The following H2BC12 variants were observed in gnomAD, a reference collection of about 807,000 sequenced individuals.
H2BC12 encodes the protein H2B clustered histone 12.
Under a neutral mutation model 6.3 loss-of-function variants are expected in H2BC12, and 6 were observed. That is an observed-to-expected ratio of 0.95 (90% CI 0.52 to 1.87). The LOEUF (loss-of-function observed/expected upper bound fraction) is 1.87. Ranked by LOEUF, H2BC12 falls within the 40% of genes most tolerant of loss-of-function variation. The pLI is 0.01. For missense variants in H2BC12, 119 were observed against 178.4 expected, an observed-to-expected ratio of 0.67 and a Z score of 1.90; for synonymous variants, 132 against 78.5, an observed-to-expected ratio of 1.68 and a Z score of -3.60.
At chr6:27,139,145 G>A in the H2BC12 span, 57 of 662,078 alleles carry the variant, frequency 8.6e-5, 1 homozygote, top group Non-Finnish European at 1.3e-4. Flanking sequence ...GAGAACAAGA[G>A]GGAGTAGAGC....
downstream of H2BC12, among the ~76,000 whole-genome samples, chr6:27,143,770 G>C (rs879864058): frequency 2.0e-5 from 3 of 150,410 alleles, no homozygotes; most frequent in South Asian, 2.1e-4. Flanking sequence ...TCTTCAGCAG[G>C]CTGTAACAAT....
At chr6:27,141,554 TCA>T (rs1365375269), downstream of H2BC12, among the ~76,000 whole-genome samples, 1 of 152,136 alleles carries the variant, frequency 6.6e-6, no homozygotes, top group Non-Finnish European at 1.5e-5. Context: ...AGATAAGCCA[TCA>T]CAGAGAGTAG....
chr6:27,146,812 T>C lies in H2BC12; in HGVS notation c.-14A>G. On this transcript the variant is annotated 5_prime_UTR_variant, in exon 1 of 1. Transcript: ENST00000356950. Reference sequence around the variant, plus strand: ...TGGTTCCGGCATGTTGAAGGCGAACTACGAGCCTGAGACGAGCAGCAGATC... The same window carrying C: ...TGGTTCCGGCATGTTGAAGGCGAACCACGAGCCTGAGACGAGCAGCAGATC... 2 of 1,613,050 alleles carry C rather than the reference T, an allele frequency of 1.2e-6. No individual in the cohort carries two copies. Among genetic ancestry groups the C allele is most frequent in the East Asian group, 2.2e-5 (1 of 44,876 alleles).
chr6:27,138,376 G>A, the H2BC12 span, among the ~76,000 whole-genome samples: 1 of 152,166 alleles, frequency 6.6e-6, no homozygotes, highest in Non-Finnish European at 1.5e-5. Context: ...GGGTACAGAA[G>A]CTTATATACT....
the H2BC12 span, chr6:27,139,425 T>TCGC: frequency 6.2e-7 from 1 of 1,614,190 alleles, no homozygotes; most frequent in Non-Finnish European, 8.5e-7. Context: ...GGCGCCTTGC[T>TCGC]CGCCGCGGCG....
At chr6:27,139,741 C>T in the H2BC12 span, 2,061 of 1,396,258 alleles carry the variant, frequency 1.5e-3, 9 homozygotes, top group African/African-American at 9.6e-3. Context: ...TCAGTGAGTT[C>T]TGTCATCCTA....
At chr6:27,138,999 T>C in the H2BC12 span, 2 of 266,512 alleles carry the variant, frequency 7.5e-6, no homozygotes, top group Non-Finnish European at 1.4e-5. Context: ...AAGGAAAACA[T>C]GCATATATGC....
At chr6:27,141,251 G>GA in the H2BC12 span, among the ~76,000 whole-genome samples, 14 of 151,900 alleles carry the variant, frequency 9.2e-5, no homozygotes, top group Non-Finnish European at 1.8e-4. Context: ...AGGGACAAAA[G>GA]AAAGGGTGAA....
chr6:27,141,494 A>G (rs1274792683), downstream of H2BC12, among the ~76,000 whole-genome samples: 2 of 152,168 alleles, frequency 1.3e-5, no homozygotes, highest in Non-Finnish European at 2.9e-5. Context: ...TGCCCCGAAC[A>G]TACACTCACT....
chr6:27,146,577 G>A lies in H2BC12; in HGVS notation c.222C>T (p.Ile74=), dbSNP rs1760087537. 1 of 1,614,238 alleles carries A rather than the reference G, an allele frequency of 6.2e-7. No individual in the cohort carries two copies. Among genetic ancestry groups the A allele is most frequent in the Non-Finnish European group, 8.5e-7 (1 of 1,180,046 alleles). ...GCGCCAGGCGGGAAGCCTCACCCGC[G>A]ATGCGTTCGAAGATGTCGTTGACGA... ...NSFVNDIFER[I]AGEASRLAHY... The change falls in exon 1 of 1, where the codon ATC becomes ATT. Residue 74 remains isoleucine (I), a synonymous_variant. Coordinates refer to ENST00000356950, the MANE Select transcript of H2BC12 (RefSeq NM_001312653.2).
downstream of H2BC12, among the ~76,000 whole-genome samples, chr6:27,144,336 C>T (rs969102492): frequency 2.6e-5 from 4 of 151,618 alleles, no homozygotes; most frequent in South Asian, 6.2e-4. Context: ...GTGGCAGGCA[C>T]TTGTAATACC....
chr6:27,138,702 C>G, the H2BC12 span: 1 of 152,208 alleles, frequency 6.6e-6, no homozygotes, highest in South Asian at 2.1e-4. Context: ...GGAAGAGAAA[C>G]AGGACAAAGT....
At chr6:27,138,521 G>C in the H2BC12 span, 1 of 152,238 alleles carries the variant, frequency 6.6e-6, no homozygotes, top group Non-Finnish European at 1.5e-5. Context: ...ATCTGAATGA[G>C]ATCAAGAGGC....
At chr6:27,144,519 G>T (rs183605450), downstream of H2BC12, among the ~76,000 whole-genome samples, 774 of 140,132 alleles carry the variant, frequency 5.5e-3, 7 homozygotes, top group African/African-American at 0.017. Context: ...AGATCATTTT[G>T]AAGGGAGAAA....
chr6:27,146,342 A>G (rs1760080115), downstream of H2BC12: 2 of 1,595,468 alleles, frequency 1.3e-6, no homozygotes, highest in Non-Finnish European at 1.7e-6. Context: ...ACGTGTTTAC[A>G]GCTCTAATAT....
chr6:27,138,619 T>C, the H2BC12 span: 2 of 152,230 alleles, frequency 1.3e-5, no homozygotes, highest in Non-Finnish European at 2.9e-5. Context: ...CCGAAGGCAA[T>C]TGTGCTTCTT....
At chr6:27,142,286 T>C (rs1760015529), downstream of H2BC12, among the ~76,000 whole-genome samples, 1 of 152,218 alleles carries the variant, frequency 6.6e-6, no homozygotes, top group Non-Finnish European at 1.5e-5. Flanking sequence ...TAACTTTTTT[T>C]TTGGAGACGA....
At chr6:27,139,323 C>T in the H2BC12 span, 2 of 1,609,934 alleles carry the variant, frequency 1.2e-6, no homozygotes, top group Admixed American at 1.7e-5. Flanking sequence ...CAGGACGCGG[C>T]AAAGGAGGTA....
At chr6:27,139,077 CAT>C in the H2BC12 span, 8 of 458,264 alleles carry the variant, frequency 1.7e-5, no homozygotes, top group East Asian at 1.0e-4. Flanking sequence ...AGGCAGGAAT[CAT>C]GTTAAATGAA....
Sources: allele counts gnomAD v4.1 joint callset (sites outside exome capture counted in the v4.1 genomes callset), GRCh38; gene constraint gnomAD v4.1.1; transcripts MANE v1.5; gene names NCBI Gene and HGNC (gene_info 2026-07-23, HGNC 2026-07-21).